The following ARHGEF18 variants were observed in gnomAD, a reference collection of about 807,000 sequenced individuals.
ARHGEF18 encodes Rho/Rac guanine nucleotide exchange factor 18, also known as rho guanine nucleotide exchange factor 18.
ARHGEF18 carries 93 observed loss-of-function variants against 155.7 expected under a neutral mutation model. The ratio of observed to expected loss-of-function variants is 0.60; its 90% CI spans 0.50 to 0.71. The LOEUF is 0.71. Ranked by LOEUF, ARHGEF18 falls within the 30% of genes least tolerant of loss-of-function variation. The pLI is 0.00. For synonymous variants in ARHGEF18, 742 were observed against 753.1 expected (o/e 0.99, Z 0.24); for missense variants, 1,593 against 1,816.1 (o/e 0.88, Z 2.23).
intron 10 of ARHGEF18, among the ~76,000 whole-genome samples, chr19:7,423,682 G>C (rs1973489939): frequency 6.6e-6 from 1 of 151,132 alleles, no homozygotes; most frequent in Non-Finnish European, 1.5e-5. Flanking sequence ...TCTAGCCTGG[G>C]TGACAGGGCG....
chr19:7,468,681 A>G, intron 26 of ARHGEF18, 144 bp from the exon 27 acceptor site: 1 of 908,520 alleles, frequency 1.1e-6, no homozygotes, highest in Non-Finnish European at 1.6e-6. Context: ...GGGGACGGGC[A>G]ATGACCAGCA....
At chr19:7,398,363 G>T (rs989063226) in intron 10 of ARHGEF18, among the ~76,000 whole-genome samples, 4 of 151,856 alleles carry the variant, frequency 2.6e-5, no homozygotes, top group Non-Finnish European at 5.9e-5. Flanking sequence ...GAGCCACCAC[G>T]CCCGGTCATA....
intron 10 of ARHGEF18, among the ~76,000 whole-genome samples, chr19:7,416,424 A>G (rs916752876): frequency 2.0e-5 from 3 of 151,820 alleles, no homozygotes; most frequent in Non-Finnish European, 4.4e-5. Context: ...ATAACAATAT[A>G]ATAATAAATT....
In ARHGEF18 at chr19:7,462,202, C is replaced by G; in HGVS notation, c.2503C>G (p.Gln835Glu). The G allele has an allele frequency of 3.1e-6, 5 of 1,614,058 alleles. No homozygotes were observed. The highest frequency in any genetic ancestry group is 3.4e-6 in the Non-Finnish European group (4 of 1,180,038). Residue 835 changes from glutamine to glutamate, a missense_variant, in exon 21 of 29, where the codon CAG becomes GAG. Physicochemically the swap from Gln to Glu is conservative, Grantham distance 29. Transcript: ENST00000668164. The surrounding 1 kb of genome is among the most constrained non-coding windows in gnomAD (Gnocchi z 4.4). ...GATCGCACAGAGCCTCCTAGAGAAA[C>G]AGCAGATCTACCTGGAGATGGCCGA... ...QLIAQSLLEK[Q>E]QIYLEMAEMG...
chr19:7,358,906 T>G (rs1969434016), intron 1 of ARHGEF18, among the ~76,000 whole-genome samples: 1 of 152,194 alleles, frequency 6.6e-6, no homozygotes, highest in Non-Finnish European at 1.5e-5. Context: ...CTTGGGGATG[T>G]AAAAGTGGAT....
intron 1 of ARHGEF18, among the ~76,000 whole-genome samples, chr19:7,355,113 C>G (rs1041431108): frequency 3.0e-5 from 4 of 131,760 alleles, no homozygotes; most frequent in Admixed American, 1.5e-4. Context: ...CACACACACA[C>G]AGACAATCAC....
chr19:7,357,066 C>A (rs1479455781), intron 1 of ARHGEF18, among the ~76,000 whole-genome samples: 8 of 152,120 alleles, frequency 5.3e-5, no homozygotes, highest in Admixed American at 5.2e-4. Flanking sequence ...GGCTGTTGAG[C>A]TCTCATGAAG....
rs545308084 is a variant in ARHGEF18 at position 7,395,135 on chromosome 19, G to C, written c.967+11932G>C. 73 of 985,444 alleles carry C rather than the reference G, an allele frequency of 7.4e-5. No homozygotes were observed. The highest frequency in any genetic ancestry group is 8.6e-5 in the Non-Finnish European group (71 of 830,022). 61.0% of individuals were successfully genotyped at this position (985,444 alleles called of 1,614,324 possible). A position where few individuals can be genotyped will look rare whatever the true frequency, so the allele number is the denominator to read the frequency against. On this transcript the variant is annotated intron_variant, in intron 10 of 28. Coordinates refer to ENST00000668164, the MANE Select transcript of ARHGEF18 (RefSeq NM_001367823.1). This position sits in a 1 kb window ranked among gnomAD's most constrained non-coding sequence, Gnocchi z 5.0. ...CTCCTCGCGCGGCTTCCCGCTTCCGGCTCCCAGCTGCTAGCTACTGTGGAT... is the reference window on the plus strand; with the variant it reads ...CTCCTCGCGCGGCTTCCCGCTTCCGCCTCCCAGCTGCTAGCTACTGTGGAT...
chr19:7,427,208 G>A (rs1390420567), intron 10 of ARHGEF18, among the ~76,000 whole-genome samples: 3 of 152,190 alleles, frequency 2.0e-5, no homozygotes, highest in African/African-American at 7.2e-5. Context: ...CCCCAGTGAA[G>A]AAATGAGTCT....
intron 17 of ARHGEF18, 38 bp from the exon 18 acceptor site, chr19:7,456,289 G>A: frequency 6.2e-7 from 1 of 1,604,870 alleles, no homozygotes; most frequent in Non-Finnish European, 8.5e-7. Flanking sequence ...CCTGGCTATG[G>A]GACTTTTAAG....
intron 1 of ARHGEF18, among the ~76,000 whole-genome samples, chr19:7,350,748 T>A (rs1600160589): frequency 1.3e-5 from 2 of 150,180 alleles, no homozygotes; most frequent in South Asian, 4.2e-4. Context: ...GTTAAAAGGC[T>A]GTTGAGTTTT....
chr19:7,387,450 C>T (rs991726555), intron 10 of ARHGEF18, among the ~76,000 whole-genome samples: 1 of 152,064 alleles, frequency 6.6e-6, no homozygotes, highest in Non-Finnish European at 1.5e-5. Context: ...CCGCGCCCAG[C>T]GCTGTTTTTT....
intron 10 of ARHGEF18, among the ~76,000 whole-genome samples, chr19:7,397,505 G>C (rs937761525): frequency 6.6e-6 from 1 of 151,974 alleles, no homozygotes; most frequent in Admixed American, 6.6e-5. Flanking sequence ...GCCCGGGGGG[G>C]GGCAGATCAC....
chr19:7,352,531 CTTTTTTTTT>C (rs35219215), intron 1 of ARHGEF18, among the ~76,000 whole-genome samples: 1 of 93,188 alleles, frequency 1.1e-5, no homozygotes, highest in Non-Finnish European at 1.9e-5. Flanking sequence ...CCTAGGTTTC[CTTTTTTTTT>C]TTTTTTTTTT....
chr19:7,466,404 A>T (rs954345558), intron 23 of ARHGEF18, among the ~76,000 whole-genome samples: 2 of 150,030 alleles, frequency 1.3e-5, no homozygotes, highest in East Asian at 2.0e-4. Context: ...AAAAAAAATT[A>T]AAAATAGCTG....
chr19:7,370,942 G>T (rs1180318041), intron 2 of ARHGEF18, among the ~76,000 whole-genome samples: 3 of 148,682 alleles, frequency 2.0e-5, no homozygotes, highest in Non-Finnish European at 3.0e-5. Context: ...ACAGGGTCTT[G>T]CTTTGTCACC....
intron 10 of ARHGEF18, among the ~76,000 whole-genome samples, chr19:7,385,931 TCTCTCCCC>T (rs1349981886): frequency 1.3e-5 from 1 of 78,770 alleles, no homozygotes; most frequent in Non-Finnish European, 2.3e-5. Context: ...TCTCTCTCTC[TCTCTCCCC>T]CTCTCCCTCT....
Position 7,440,976 on chromosome 19 carries a change from A to G in ARHGEF18, c.1106+494A>G, listed in dbSNP as rs191525545. 6.6e-6 allele frequency among the ~76,000 whole-genome samples: 1 copy of G among 151,980 alleles called. No homozygotes were observed. ...AATTATCATTTTCCTCTGAGTAAGGACTGCCCTCCCACCTTGACCATGAAA... is the reference window on the plus strand; with the variant it reads ...AATTATCATTTTCCTCTGAGTAAGGGCTGCCCTCCCACCTTGACCATGAAA... On this transcript the variant is annotated intron_variant, in intron 11 of 28. Coordinates refer to ENST00000668164, the MANE Select transcript of ARHGEF18 (RefSeq NM_001367823.1). The surrounding 1 kb of genome is among the most constrained non-coding windows in gnomAD (Gnocchi z 5.4).
chr19:7,362,131 G>A (rs12976563), intron 1 of ARHGEF18, among the ~76,000 whole-genome samples: 3 of 28,370 alleles, frequency 1.1e-4, no homozygotes, highest in East Asian at 7.3e-4. Flanking sequence ...GAAGGAGAAG[G>A]AGAAGGAGAA....
Sources: gnomAD v4.1 joint callset for allele counts (sites outside exome capture counted in the v4.1 genomes callset) on GRCh38, gnomAD v4.1.1 for gene constraint, Gnocchi (gnomAD v3.1) non-coding constraint, MANE v1.5 for transcripts, NCBI Gene and HGNC (gene_info 2026-07-23, HGNC 2026-07-21) for gene names.